Variants in CHIC1 observed in about 807,000 individuals in gnomAD.
The protein encoded by CHIC1 is cysteine-rich hydrophobic domain-containing protein 1.
CHIC1 carries 7 observed loss-of-function variants against 18.5 expected under a neutral mutation model. That is an observed-to-expected ratio of 0.38 (90% CI 0.22 to 0.71). The LOEUF (loss-of-function observed/expected upper bound fraction) is 0.71, where lower values mean the gene tolerates loss of function less well. CHIC1 is among the 30% of genes least tolerant of loss of function. The pLI, the probability that CHIC1 is intolerant of heterozygous loss-of-function variation, is 0.49. For missense variants in CHIC1, 159 were observed against 176.9 expected (o/e 0.90, Z 0.57); for synonymous variants, 77 against 73.5 (o/e 1.05, Z -0.25).
At chrX:73,580,365 A>G (rs2057520722) in intron 2 of CHIC1, among the ~76,000 whole-genome samples, 1 of 111,114 alleles carries the variant, frequency 9.0e-6, no homozygotes, top group Non-Finnish European at 1.9e-5. Context: ...ATTTAAGTGT[A>G]CATTATGTAT....
At chrX:73,599,583 A>G (rs1378249125) in intron 3 of CHIC1, among the ~76,000 whole-genome samples, 1 of 104,937 alleles carries the variant, frequency 9.5e-6, no homozygotes. Context: ...CATTTATTAA[A>G]TAGGAAATCC....
chrX:73,662,601 A>G (rs1279217893), intron 3 of CHIC1, among the ~76,000 whole-genome samples: 1 of 108,147 alleles, frequency 9.2e-6, no homozygotes, highest in East Asian at 2.9e-4. Context: ...AGTTTTGCCC[A>G]AGATGAGGTG....
At chrX:73,620,256 C>T (rs1477361872) in intron 3 of CHIC1, among the ~76,000 whole-genome samples, 10 of 111,788 alleles carry the variant, frequency 8.9e-5, no homozygotes, top group Non-Finnish European at 1.3e-4. Context: ...GTTTTTCTGG[C>T]TCTAGATGCT....
chrX:73,632,484 T>A (rs890121181), intron 3 of CHIC1, among the ~76,000 whole-genome samples: 6 of 111,748 alleles, frequency 5.4e-5, no homozygotes, highest in Non-Finnish European at 1.1e-4. Context: ...TATTGCTATT[T>A]TTTAAAACAT....
intron 3 of CHIC1, among the ~76,000 whole-genome samples, chrX:73,648,749 C>A (rs894555651): frequency 7.2e-5 from 8 of 111,577 alleles, no homozygotes; most frequent in African/African-American, 2.3e-4. Flanking sequence ...ACTGGAGTAC[C>A]CGAAGGAGAC....
chrX:73,681,007 G>A lies in CHIC1; in HGVS notation c.*2G>A. ...TATCCCATATTCCGACCTGACTGAG[G>A]AGTTTTATCCAGTCACTTCTGTGTT... On this transcript the variant is annotated 3_prime_UTR_variant, in exon 6 of 6. Coordinates refer to ENST00000373502, the MANE Select transcript of CHIC1 (RefSeq NM_001039840.4). 9.1e-7 allele frequency: 1 copy of A among 1,098,236 alleles called. No individual in the cohort carries two copies. Among genetic ancestry groups the A allele is most frequent in the Middle Eastern group, 2.4e-4 (1 of 4,133 alleles). 90.5% of individuals were successfully genotyped at this position (1,098,236 alleles called of 1,213,427 possible). A position where few individuals can be genotyped will look rare whatever the true frequency, so the allele number is the denominator to read the frequency against.
At chrX:73,602,610 T>C (rs2057657097) in intron 3 of CHIC1, among the ~76,000 whole-genome samples, 1 of 109,077 alleles carries the variant, frequency 9.2e-6, no homozygotes, top group Non-Finnish European at 1.9e-5. Context: ...TCCTGAATGG[T>C]ATCACCTAGG....
intron 3 of CHIC1, among the ~76,000 whole-genome samples, chrX:73,654,457 T>C (rs1365057011): frequency 8.9e-6 from 1 of 112,087 alleles, no homozygotes; most frequent in African/African-American, 3.2e-5. Context: ...TTGAGGACTT[T>C]TGCATTTATG....
chrX:73,598,746 G>T (rs1372505883), intron 3 of CHIC1, among the ~76,000 whole-genome samples: 1 of 110,537 alleles, frequency 9.0e-6, no homozygotes, highest in African/African-American at 3.3e-5. Flanking sequence ...GGGCATTTGG[G>T]TTGGTCCCAA....
chrX:73,574,920 TC>T (rs1291141771), intron 1 of CHIC1, among the ~76,000 whole-genome samples: 4 of 109,959 alleles, frequency 3.6e-5, no homozygotes, highest in Non-Finnish European at 7.7e-5. Flanking sequence ...TCTCAGATTT[TC>T]TTCTGCTAGC....
Position 73,683,322 on chromosome X carries a change from C to CA in CHIC1, c.*2324dup, listed in dbSNP as rs1278340810. On this transcript the variant is annotated 3_prime_UTR_variant, in exon 6 of 6. Coordinates refer to ENST00000373502, the MANE Select transcript of CHIC1 (RefSeq NM_001039840.4). ...ACTCATCTTAGTTTCTTCAACTACC[C>CA]AAAAAAATACCAATTTTTTTCCTCT... 9.0e-6 allele frequency: 1 copy of CA among 111,399 alleles called. No homozygotes were observed. Among genetic ancestry groups the CA allele is most frequent in the Non-Finnish European group, 1.9e-5 (1 of 52,811 alleles). The allele number at this position is 111,399 out of a possible 1,213,427, so 9.2% of individuals were successfully genotyped here.
chrX:73,608,190 T>C (rs1329033313), intron 3 of CHIC1, among the ~76,000 whole-genome samples: 1 of 109,385 alleles, frequency 9.1e-6, no homozygotes. Context: ...TTGATACTCT[T>C]GTTGAATATA....
chrX:73,669,140 T>G (rs909271614), intron 3 of CHIC1, among the ~76,000 whole-genome samples: 7 of 111,354 alleles, frequency 6.3e-5, no homozygotes, highest in Non-Finnish European at 1.3e-4. Flanking sequence ...GAATCACGTC[T>G]GCCCCTGTGT....
chrX:73,650,496 A>T (rs1217809731), intron 3 of CHIC1, among the ~76,000 whole-genome samples: 1 of 110,798 alleles, frequency 9.0e-6, no homozygotes, highest in African/African-American at 3.3e-5. Flanking sequence ...GATAAAGGGG[A>T]TATCACCACT....
chrX:73,645,542 T>A (rs186637399), intron 3 of CHIC1, among the ~76,000 whole-genome samples: 86 of 112,373 alleles, frequency 7.7e-4, no homozygotes, highest in African/African-American at 2.6e-3. Flanking sequence ...GTCAAAGAAT[T>A]CCCTTTATTC....
At chrX:73,634,079 G>A (rs2057820676) in intron 3 of CHIC1, among the ~76,000 whole-genome samples, 1 of 111,421 alleles carries the variant, frequency 9.0e-6, no homozygotes, top group Admixed American at 9.5e-5. Context: ...TTATTTTTGT[G>A]GTATCATATT....
At chrX:73,578,550 A>T (rs1256087238) in intron 2 of CHIC1, among the ~76,000 whole-genome samples, 1 of 110,753 alleles carries the variant, frequency 9.0e-6, no homozygotes, top group Non-Finnish European at 1.9e-5. Context: ...GTCATATTTT[A>T]AAATTATCTC....
At position 73,686,923 on chromosome X, in the gene CHIC1, T is replaced by C; in HGVS notation, c.*5918T>C. On this transcript the variant is annotated 3_prime_UTR_variant, in exon 6 of 6. Transcript: ENST00000373502. ...ATAGCCTGTGGAATGAATTCATTTT[T>C]TCTCCCTTGAGTCCAGGAATGACTT... 9.0e-6 allele frequency: 1 copy of C among 111,534 alleles called. No individual in the cohort carries two copies. Among genetic ancestry groups the C allele is most frequent in the Non-Finnish European group, 1.9e-5 (1 of 52,908 alleles). The allele number at this position is 111,534 out of a possible 1,213,427, so 9.2% of individuals were successfully genotyped here. A position where few individuals can be genotyped will look rare whatever the true frequency, so the allele number is the denominator to read the frequency against.
In CHIC1 at chrX:73,563,309, G is replaced by C; in HGVS notation, c.25G>C (p.Ala9Pro). MSILLPNMAEFDTISELEE... is the reference protein window; with the variant it reads MSILLPNMPEFDTISELEE... ...GATGAGCATCCTGCTGCCCAACATG[G>C]CGGAGTTCGACACCATCTCGGAACT... is the stretch of plus-strand genomic sequence containing the variant. The change falls in exon 1 of 6, where the codon GCG (alanine) becomes CCG (proline). Residue 9 changes from alanine to proline, a missense_variant. Physicochemically the swap from Ala to Pro is conservative, Grantham distance 27. Transcript: ENST00000373502. The C allele has an allele frequency of 8.8e-7, 1 of 1,133,268 alleles. No homozygotes were observed. Among genetic ancestry groups the C allele is most frequent in the Non-Finnish European group, 1.2e-6 (1 of 854,792 alleles). The allele number at this position is 1,133,268 out of a possible 1,213,427, so 93.4% of individuals were successfully genotyped here.
Sources: gnomAD v4.1 joint callset for allele counts (sites outside exome capture counted in the v4.1 genomes callset) on GRCh38, gnomAD v4.1.1 for gene constraint, MANE v1.5 for transcripts, NCBI Gene and HGNC (gene_info 2026-07-23, HGNC 2026-07-21) for gene names.